The following ZCWPW2 variants were observed in gnomAD, a reference collection of about 807,000 sequenced individuals.
The protein encoded by ZCWPW2 is zinc finger CW-type PWWP domain protein 2.
ZCWPW2 carries 45 observed loss-of-function variants against 46.6 expected under a neutral mutation model. That is an observed-to-expected ratio of 0.96 (90% CI 0.76 to 1.24). The LOEUF (loss-of-function observed/expected upper bound fraction) is 1.24, where lower values mean the gene tolerates loss of function less well. ZCWPW2 is among the 50% of genes most tolerant of loss of function. The pLI, the probability that ZCWPW2 is intolerant of heterozygous loss-of-function variation, is 0.00. For synonymous variants in ZCWPW2, 152 were observed against 137.1 expected, an observed-to-expected ratio of 1.11 and a Z score of -0.76; for missense variants, 429 against 403.9, an observed-to-expected ratio of 1.06 and a Z score of -0.53.
chr3:28,392,244 A>G (rs1227397865), intron 2 of ZCWPW2, among the ~76,000 whole-genome samples: 1 of 152,230 alleles, frequency 6.6e-6, no homozygotes, highest in East Asian at 1.9e-4. Flanking sequence ...ATGATAAAAG[A>G]GTCAGTTCAT....
At chr3:28,451,872 C>T (rs1458387490) in intron 4 of ZCWPW2, among the ~76,000 whole-genome samples, 1 of 152,162 alleles carries the variant, frequency 6.6e-6, no homozygotes, top group Non-Finnish European at 1.5e-5. Context: ...AAAACTCTTG[C>T]ACCATGTTCC....
intron 3 of ZCWPW2, among the ~76,000 whole-genome samples, chr3:28,429,270 C>T (rs1697144686): frequency 6.6e-6 from 1 of 152,098 alleles, no homozygotes; most frequent in South Asian, 2.1e-4. Flanking sequence ...CTTACTATGC[C>T]TTAGCAAAAA....
At chr3:28,386,120 C>T (rs1695264110) in intron 1 of ZCWPW2, among the ~76,000 whole-genome samples, 1 of 152,072 alleles carries the variant, frequency 6.6e-6, no homozygotes, top group Non-Finnish European at 1.5e-5. Flanking sequence ...CTCTGACCTC[C>T]AGTATGGCTA....
rs1325058854 is a variant in ZCWPW2 at position 28,365,133 on chromosome 3, C to G, written c.-134+15930C>G. ...TCTGATGGTAGTTTCTTTTGCTGTG[C>G]AGAAGCTCTTTAGTTTAATTAGATC... is the stretch of plus-strand genomic sequence containing the variant. On this transcript the variant is annotated intron_variant, in intron 1 of 9. Coordinates refer to ENST00000383768, the MANE Select transcript of ZCWPW2 (RefSeq NM_001040432.4). Among the ~76,000 whole-genome samples, 4 of 151,118 alleles carry G rather than the reference C, an allele frequency of 2.6e-5. No individual in the cohort carries two copies. In the Admixed American group the frequency reaches 2.7e-4, roughly 10 times the overall value.
chr3:28,362,236 T>C (rs774878301), intron 1 of ZCWPW2, among the ~76,000 whole-genome samples: 28 of 152,290 alleles, frequency 1.8e-4, no homozygotes, highest in South Asian at 1.2e-3. Flanking sequence ...TGAGATCCAT[T>C]GTACAACAGT....
chr3:28,385,066 A>G (rs1260517681), intron 1 of ZCWPW2, among the ~76,000 whole-genome samples: 2 of 152,252 alleles, frequency 1.3e-5, no homozygotes, highest in African/African-American at 2.4e-5. Flanking sequence ...AGAATCACAA[A>G]TAGATGTTGA....
intron 1 of ZCWPW2, among the ~76,000 whole-genome samples, chr3:28,364,668 A>C (rs557867708): frequency 8.6e-5 from 13 of 151,754 alleles, no homozygotes; most frequent in Admixed American, 2.0e-4. Flanking sequence ...TTATACTTTA[A>C]GTTTTAGGGT....
At chr3:28,363,412 T>C (rs1386585634) in intron 1 of ZCWPW2, among the ~76,000 whole-genome samples, 14 of 152,152 alleles carry the variant, frequency 9.2e-5, no homozygotes, top group Non-Finnish European at 4.4e-5. Context: ...GGGCTTATTC[T>C]CATTCTTGGC....
chr3:28,348,809 G>C lies in ZCWPW2; in HGVS notation c.-528G>C. 3.5e-6 allele frequency: 1 copy of C among 287,284 alleles called. No individual in the cohort carries two copies. The highest frequency in any genetic ancestry group is 1.3e-4 in the South Asian group (1 of 7,570). 17.8% of individuals were successfully genotyped at this position (287,284 alleles called of 1,614,324 possible). Reference sequence around the variant, plus strand: ...TTCTTCTGACTCGGCAGGAGCCCGGGACGTTCTGGAAGGAGGGACGAGCCG... The same window carrying C: ...TTCTTCTGACTCGGCAGGAGCCCGGCACGTTCTGGAAGGAGGGACGAGCCG... On this transcript the variant is annotated 5_prime_UTR_variant, in exon 1 of 10. Coordinates refer to ENST00000383768, the MANE Select transcript of ZCWPW2 (RefSeq NM_001040432.4).
intron 2 of ZCWPW2, among the ~76,000 whole-genome samples, chr3:28,408,798 C>T (rs1258335334): frequency 6.6e-6 from 1 of 152,136 alleles, no homozygotes; most frequent in Non-Finnish European, 1.5e-5. Flanking sequence ...CTTTCTAGAT[C>T]TGTACCCCAA....
intron 4 of ZCWPW2, among the ~76,000 whole-genome samples, chr3:28,453,793 G>A (rs548916640): frequency 1.4e-5 from 2 of 145,822 alleles, no homozygotes; most frequent in African/African-American, 5.3e-5. Flanking sequence ...GTTTATAATT[G>A]TGTATATTTA....
chr3:28,372,937 C>CA (rs1357298891), intron 1 of ZCWPW2, among the ~76,000 whole-genome samples: 2 of 152,050 alleles, frequency 1.3e-5, no homozygotes, highest in Admixed American at 6.6e-5. Context: ...CCTATTGTTG[C>CA]AAAAAACATG....
At chr3:28,486,456 T>C (rs1030985760) in intron 5 of ZCWPW2, among the ~76,000 whole-genome samples, 3 of 150,520 alleles carry the variant, frequency 2.0e-5, no homozygotes, top group Non-Finnish European at 4.4e-5. Context: ...TTCTAACCTA[T>C]ATTATTTTTC....
At chr3:28,495,893 A>G (rs1426198945) in intron 6 of ZCWPW2, among the ~76,000 whole-genome samples, 4 of 152,036 alleles carry the variant, frequency 2.6e-5, no homozygotes, top group Middle Eastern at 3.2e-3. Flanking sequence ...GACACTAGAT[A>G]TTCTGAGATG....
chr3:28,355,818 C>G (rs1252324594), intron 1 of ZCWPW2, among the ~76,000 whole-genome samples: 1 of 152,214 alleles, frequency 6.6e-6, no homozygotes, highest in Non-Finnish European at 1.5e-5. Flanking sequence ...GAAACTGGAT[C>G]CCTTCCTTAC....
chr3:28,355,808 G>A (rs1704710407), intron 1 of ZCWPW2, among the ~76,000 whole-genome samples: 2 of 152,224 alleles, frequency 1.3e-5, no homozygotes, highest in African/African-American at 4.8e-5. Flanking sequence ...TGTAAAAGCT[G>A]AAACTGGATC....
At chr3:28,469,233 T>G (rs1698945889) in intron 4 of ZCWPW2, among the ~76,000 whole-genome samples, 1 of 151,762 alleles carries the variant, frequency 6.6e-6, no homozygotes, top group Admixed American at 6.6e-5. Flanking sequence ...GTACACAAAT[T>G]AAAAAGCAAT....
intron 2 of ZCWPW2, among the ~76,000 whole-genome samples, chr3:28,408,070 A>G (rs982793451): frequency 6.6e-6 from 1 of 152,220 alleles, no homozygotes; most frequent in Non-Finnish European, 1.5e-5. Flanking sequence ...AACGTATCAA[A>G]TCTAAAATAC....
intron 6 of ZCWPW2, 28 bp from the exon 7 acceptor site, chr3:28,514,036 A>C: frequency 6.8e-7 from 1 of 1,475,570 alleles, no homozygotes; most frequent in Non-Finnish European, 9.2e-7. Context: ...TATATGAACT[A>C]ACTCATATTT....
Sources: allele counts gnomAD v4.1 joint callset (sites outside exome capture counted in the v4.1 genomes callset), GRCh38; gene constraint gnomAD v4.1.1; transcripts MANE v1.5; gene names NCBI Gene and HGNC (gene_info 2026-07-23, HGNC 2026-07-21).